TONSL: variants seen among roughly 807,000 people sequenced by gnomAD.
TONSL encodes tonsoku like, DNA repair protein, also known as tonsoku-like protein.
In TONSL, 112 loss-of-function variants were observed where a neutral mutation model predicts 147.1. The ratio of observed to expected loss-of-function variants is 0.76; its 90% CI spans 0.65 to 0.89. The LOEUF (loss-of-function observed/expected upper bound fraction) is 0.89. Among genes scored for constraint, TONSL ranks in the 40% least tolerant of loss-of-function variants. The pLI is 0.00. For missense variants in TONSL, 1,883 were observed against 1,864.6 expected, an observed-to-expected ratio of 1.01 and a Z score of -0.18; for synonymous variants, 868 against 801.5, an observed-to-expected ratio of 1.08 and a Z score of -1.40.
intron 11 of TONSL, among the ~76,000 whole-genome samples, chr8:144,439,247 C>T (rs1379955650): frequency 6.6e-6 from 1 of 152,186 alleles, no homozygotes; most frequent in South Asian, 2.1e-4. Flanking sequence ...GACCCCTCAT[C>T]ACCACGCCCT....
chr8:144,429,553 C>T (rs575912879), intron 25 of TONSL, among the ~76,000 whole-genome samples: 1 of 152,320 alleles, frequency 6.6e-6, no homozygotes, highest in East Asian at 1.9e-4. Flanking sequence ...TGGCTCCCTT[C>T]TTTACCTCTG....
rs1823475215 is a variant in TONSL, at chr8:144,436,693, C to T, written c.1891-12G>A. 1.9e-6 allele frequency: 3 copies of T among 1,611,872 alleles called. No individual in the cohort carries two copies. Among genetic ancestry groups the T allele is most frequent in the Non-Finnish European group, 2.5e-6 (3 of 1,179,906 alleles). On this transcript the variant is annotated splice_polypyrimidine_tract_variant and intron_variant, in intron 15 of 25. Transcript: ENST00000409379. Reference sequence around the variant, plus strand: ...AGCGGGCTGAGGCCCTGTGTGGCATCAGTTGAGCAGGGGCACAGCAGCCCC... The same window carrying T: ...AGCGGGCTGAGGCCCTGTGTGGCATTAGTTGAGCAGGGGCACAGCAGCCCC...
Position 144,442,846 on chromosome 8 carries a change from CA to C in TONSL, c.449-41del, listed in dbSNP as rs1035152920. On this transcript the variant is annotated intron_variant, in intron 4 of 25. Transcript: ENST00000409379. ...CCCAAACACTCAGCCACTTCCTCCC[CA>C]CATGGGGTTTCCAGCTTTGGGCCCC... is the stretch of plus-strand genomic sequence containing the variant. The C allele has an allele frequency of 1.9e-6, 3 of 1,585,134 alleles. No individual in the cohort carries two copies. In the African/African-American group the frequency reaches 4.1e-5, roughly 21 times the overall value.
chr8:144,431,828 CTTTCT>C (rs1203367919), intron 23 of TONSL, among the ~76,000 whole-genome samples: 14 of 124,712 alleles, frequency 1.1e-4, no homozygotes, highest in East Asian at 2.2e-4. Context: ...TTTTCTTTTT[CTTTCT>C]TTTTTTTTTT....
Position 144,428,998 on chromosome 8 carries a change from C to G in TONSL, c.*145G>C. The G allele has an allele frequency of 2.2e-6, 2 of 929,320 alleles. No individual in the cohort carries two copies. The highest frequency in any genetic ancestry group is 3.5e-4 in the Middle Eastern group (1 of 2,882). The allele number at this position is 929,320 out of a possible 1,614,324, so 57.6% of individuals were successfully genotyped here. On this transcript the variant is annotated 3_prime_UTR_variant, in exon 26 of 26. Transcript: ENST00000409379. Reference sequence around the variant, plus strand: ...TAGAGACGGGGTTTCACCATGTTAGCCAGGATGGTCTCGATCTCCTGACCT... The same window carrying G: ...TAGAGACGGGGTTTCACCATGTTAGGCAGGATGGTCTCGATCTCCTGACCT...
At chr8:144,444,138 G>T in intron 2 of TONSL, 42 bp downstream of exon 2, 1 of 1,334,424 alleles carries the variant, frequency 7.5e-7, no homozygotes, top group Non-Finnish European at 9.5e-7. Flanking sequence ...GCCCGGGCCC[G>T]GGCCCCGGCC....
intron 20 of TONSL, among the ~76,000 whole-genome samples, chr8:144,434,482 CA>C (rs1172618493): frequency 1.3e-5 from 2 of 152,184 alleles, no homozygotes; most frequent in South Asian, 2.1e-4. Flanking sequence ...TGAGCTCCAC[CA>C]GTCACTGCCA....
In TONSL at chr8:144,440,709, G is replaced by A; in HGVS notation, c.1164+9C>T. On this transcript the variant is annotated intron_variant, in intron 9 of 25. Transcript: ENST00000409379. Reference sequence around the variant, plus strand: ...GAACCTGCATTCGGGCGGGGAGCAAGGGTTTCACCTCCAGCACGTTGCCGC... The same window carrying A: ...GAACCTGCATTCGGGCGGGGAGCAAAGGTTTCACCTCCAGCACGTTGCCGC... 6.2e-7 allele frequency: 1 copy of A among 1,610,016 alleles called. No homozygotes were observed. Among genetic ancestry groups the A allele is most frequent in the Non-Finnish European group, 8.5e-7 (1 of 1,178,044 alleles).
At chr8:144,436,518 T>C in intron 16 of TONSL, 40 bp downstream of exon 16, 1 of 1,598,024 alleles carries the variant, frequency 6.3e-7, no homozygotes. Flanking sequence ...ACTCTCAGCG[T>C]AGGCACAGCA....
At position 144,434,874 on chromosome 8, in the gene TONSL, T is replaced by C. The variant is rs773023389; in HGVS notation, c.3022A>G (p.Thr1008Ala). ...QSNDEVLAEV[T>A]SWDLPPLTDR... ...GTCAACGGGGGCAGGTCCCACGAAG[T>C]CACCTCAGCCAACACCTGGAAGGCA... The change falls in exon 20 of 26, where the codon ACT becomes GCT. Residue 1008 changes from threonine to alanine, a missense_variant. By Grantham distance (58) the Thr-to-Ala change is moderately conservative. Coordinates refer to ENST00000409379, the MANE Select transcript of TONSL (RefSeq NM_013432.5). 6.2e-7 allele frequency: 1 copy of C among 1,613,370 alleles called. No individual in the cohort carries two copies. The highest frequency in any genetic ancestry group is 8.5e-7 in the Non-Finnish European group (1 of 1,179,944).
rs992620549 is a variant in TONSL at position 144,444,113 on chromosome 8, C to A, written c.121+67G>T. On this transcript the variant is annotated intron_variant, in intron 2 of 25. Coordinates refer to ENST00000409379, the MANE Select transcript of TONSL (RefSeq NM_013432.5). ...TCTGCCGGAAGAGCCCGTCGCCCCCCGGCCCCCGATCCCGGCCCGGGCCCG... is the reference window on the plus strand; with the variant it reads ...TCTGCCGGAAGAGCCCGTCGCCCCCAGGCCCCCGATCCCGGCCCGGGCCCG... 3.8e-6 allele frequency: 5 copies of A among 1,305,008 alleles called. No individual in the cohort carries two copies. In the African/African-American group the frequency reaches 6.2e-5, roughly 16 times the overall value. The allele number at this position is 1,305,008 out of a possible 1,614,324, so 80.8% of individuals were successfully genotyped here. A position where few individuals can be genotyped will look rare whatever the true frequency, so the allele number is the denominator to read the frequency against.
Position 144,436,839 on chromosome 8 carries a change from T to A in TONSL, c.1808A>T (p.His603Leu). The A allele has an allele frequency of 6.2e-7, 1 of 1,610,840 alleles. No individual in the cohort carries two copies. The highest frequency in any genetic ancestry group is 8.5e-7 in the Non-Finnish European group (1 of 1,179,916). Residue 603 changes from histidine to leucine, a missense_variant, in exon 15 of 26, where the codon CAC becomes CTC. Physicochemically the swap from His to Leu is moderately conservative, Grantham distance 99. Coordinates refer to ENST00000409379, the MANE Select transcript of TONSL (RefSeq NM_013432.5). ...GAAGTGGCCACAGTTGAGGGCATCGTGGAGGGGGGTGATGCCTTCGCAGCC... is the reference window on the plus strand; with the variant it reads ...GAAGTGGCCACAGTTGAGGGCATCGAGGAGGGGGGTGATGCCTTCGCAGCC... ...GQGCEGITPLHDALNCGHFEV... is the reference protein window; with the variant it reads ...GQGCEGITPLLDALNCGHFEV...
intron 20 of TONSL, among the ~76,000 whole-genome samples, chr8:144,434,591 C>T (rs2130845212): frequency 6.6e-6 from 1 of 152,286 alleles, no homozygotes; most frequent in Non-Finnish European, 1.5e-5. Context: ...TCCAGGCTTT[C>T]GGCTGCTTTT....
chr8:144,429,229 C>T lies in TONSL; in HGVS notation c.4051G>A (p.Ala1351Thr). ...SRRLCAEDRD[A>T]LRQLQPSRPG... ...CGACTGGGCTGCAGCTGGCGCAGGG[C>T]GTCCCTGTCCTCAGCGCAGAGGCGT... Residue 1351 changes from alanine (A) to threonine (T), a missense_variant, in exon 26 of 26, where the codon GCC (alanine) becomes ACC (threonine). Physicochemically the swap from Ala to Thr is moderately conservative, Grantham distance 58 (BLOSUM62 0). Coordinates refer to ENST00000409379, the MANE Select transcript of TONSL (RefSeq NM_013432.5). 1 of 1,535,214 alleles carries T rather than the reference C, an allele frequency of 6.5e-7. No individual in the cohort carries two copies.
At chr8:144,441,344 G>C in intron 7 of TONSL, 1 of 557,782 alleles carries the variant, frequency 1.8e-6, no homozygotes, top group Non-Finnish European at 3.1e-6. Context: ...TGTAATCCTA[G>C]GACTTTGGGA....
chr8:144,433,856 G>A, intron 21 of TONSL, 97 bp from the exon 22 acceptor site: 1 of 1,471,410 alleles, frequency 6.8e-7, no homozygotes, highest in Admixed American at 2.6e-5. Context: ...ACCTTGCCTG[G>A]CATAGCCTAT....
chr8:144,431,805 G>A (rs1315052312), intron 23 of TONSL, among the ~76,000 whole-genome samples: 5 of 148,834 alleles, frequency 3.4e-5, no homozygotes, highest in Admixed American at 6.7e-5. Flanking sequence ...AAGCTACCAC[G>A]CCCAGCCTGT....
At position 144,438,355 on chromosome 8, in the gene TONSL, A is replaced by G; in HGVS notation, c.1653+116T>C. On this transcript the variant is annotated intron_variant, in intron 13 of 25. Coordinates refer to ENST00000409379, the MANE Select transcript of TONSL (RefSeq NM_013432.5). ...ACAGGCAAGTGCCACCATGCTTGCTAAGGGGCCCCATTTTGAAGATGAGGA... is the reference window on the plus strand; with the variant it reads ...ACAGGCAAGTGCCACCATGCTTGCTGAGGGGCCCCATTTTGAAGATGAGGA... 1.9e-5 allele frequency: 15 copies of G among 809,294 alleles called. No homozygotes were observed. The South Asian group carries it at 2.1e-4, about 11-fold the overall frequency. The allele number at this position is 809,294 out of a possible 1,614,324, so 50.1% of individuals were successfully genotyped here.
At chr8:144,439,667 C>T (rs1823624595) in intron 11 of TONSL, among the ~76,000 whole-genome samples, 1 of 152,246 alleles carries the variant, frequency 6.6e-6, no homozygotes, top group South Asian at 2.1e-4. Flanking sequence ...GAAACCCAAG[C>T]CTGCTCTGAA....
Sources: allele counts gnomAD v4.1 joint callset (sites outside exome capture counted in the v4.1 genomes callset), GRCh38; gene constraint gnomAD v4.1.1; transcripts MANE v1.5; gene names NCBI Gene and HGNC (gene_info 2026-07-23, HGNC 2026-07-21).